WDFY2: variants seen among roughly 807,000 people sequenced by gnomAD.
WDFY2 encodes WD repeat and FYVE domain-containing protein 2.
A neutral mutation model predicts 56.4 loss-of-function variants in WDFY2; 36 were observed. The ratio of observed to expected loss-of-function variants is 0.64; its 90% CI spans 0.49 to 0.84. WDFY2 has a LOEUF of 0.84. WDFY2 is among the 40% of genes least tolerant of loss of function. The pLI is 0.00. For synonymous variants in WDFY2, 176 were observed against 183.7 expected (o/e 0.96, Z 0.34); for missense variants, 444 against 512.2 (o/e 0.87, Z 1.29).
Position 51,660,581 on chromosome 13 carries a change from T to G in WDFY2, c.138-15T>G, listed in dbSNP as rs772907915. On this transcript the variant is annotated splice_polypyrimidine_tract_variant and intron_variant, in intron 1 of 11. Transcript: ENST00000298125. ...GAATAATGTGATTTCATGTACATATTTTCTTCTGTTGTAGGACAGTTCGTG... is the reference window on the plus strand; with the variant it reads ...GAATAATGTGATTTCATGTACATATGTTCTTCTGTTGTAGGACAGTTCGTG... 5 of 1,611,286 alleles carry G rather than the reference T, an allele frequency of 3.1e-6. No homozygotes were observed. Among genetic ancestry groups the G allele is most frequent in the Non-Finnish European group, 4.2e-6 (5 of 1,177,684 alleles).
intron 1 of WDFY2, among the ~76,000 whole-genome samples, chr13:51,637,147 G>A (rs1955069966): frequency 6.6e-6 from 1 of 152,188 alleles, no homozygotes; most frequent in Non-Finnish European, 1.5e-5. Context: ...AGGAACAGTT[G>A]CCTAAGCAGG....
At chr13:51,614,631 C>T (rs904649226) in intron 1 of WDFY2, among the ~76,000 whole-genome samples, 7 of 152,174 alleles carry the variant, frequency 4.6e-5, no homozygotes, top group Non-Finnish European at 1.0e-4. Context: ...AAGGCACGTA[C>T]CAGCTGTGCC....
intron 4 of WDFY2, among the ~76,000 whole-genome samples, chr13:51,710,892 T>C (rs1005334929): frequency 1.4e-4 from 22 of 152,222 alleles, no homozygotes; most frequent in African/African-American, 4.1e-4. Context: ...CAATGCCATC[T>C]CCATCAAGCT....
At chr13:51,687,919 G>T (rs1956088552) in intron 3 of WDFY2, among the ~76,000 whole-genome samples, 1 of 152,122 alleles carries the variant, frequency 6.6e-6, no homozygotes, top group Admixed American at 6.6e-5. Flanking sequence ...GAAAAATGAT[G>T]ACGGCTGGGG....
intron 2 of WDFY2, among the ~76,000 whole-genome samples, chr13:51,660,927 C>G (rs534965392): frequency 1.3e-5 from 2 of 152,304 alleles, no homozygotes; most frequent in African/African-American, 4.8e-5. Context: ...ACAGCAGTCT[C>G]CCTCTCTTTT....
intron 3 of WDFY2, among the ~76,000 whole-genome samples, chr13:51,687,491 AG>A (rs1281852018): frequency 6.6e-6 from 1 of 152,012 alleles, no homozygotes; most frequent in African/African-American, 2.4e-5. Context: ...GAAGCCTTGA[AG>A]GTTGGAGGAG....
intron 1 of WDFY2, chr13:51,586,331 A>T: frequency 3.0e-6 from 1 of 338,856 alleles, no homozygotes. Flanking sequence ...ATCAATTTCT[A>T]ACTGCTGTGG....
At chr13:51,718,301 T>C (rs1952405417) in intron 4 of WDFY2, among the ~76,000 whole-genome samples, 1 of 152,084 alleles carries the variant, frequency 6.6e-6, no homozygotes, top group Admixed American at 6.6e-5. Flanking sequence ...GCAGATGCCC[T>C]CCACTTTACT....
At chr13:51,651,613 G>A (rs1445561317) in intron 1 of WDFY2, among the ~76,000 whole-genome samples, 1 of 152,154 alleles carries the variant, frequency 6.6e-6, no homozygotes, top group Non-Finnish European at 1.5e-5. Context: ...CTGGTATGTT[G>A]TGTCTTTGTT....
At chr13:51,649,643 C>T (rs1182397605) in intron 1 of WDFY2, among the ~76,000 whole-genome samples, 2 of 142,210 alleles carry the variant, frequency 1.4e-5, no homozygotes, top group Admixed American at 7.5e-5. Flanking sequence ...CAAGTGTTCT[C>T]GTTGTTCAAT....
intron 7 of WDFY2, among the ~76,000 whole-genome samples, chr13:51,749,301 A>G (rs1260306358): frequency 6.6e-6 from 1 of 152,182 alleles, no homozygotes; most frequent in Non-Finnish European, 1.5e-5. Flanking sequence ...ATAAGTTGTA[A>G]GAGTATAAAG....
intron 1 of WDFY2, among the ~76,000 whole-genome samples, chr13:51,647,250 GTCAT>G (rs964998186): frequency 6.6e-6 from 1 of 152,120 alleles, no homozygotes; most frequent in African/African-American, 2.4e-5. Context: ...AGGCAGTTTA[GTCAT>G]TGTGTGATTG....
At chr13:51,613,251 A>T (rs936447401) in intron 1 of WDFY2, among the ~76,000 whole-genome samples, 3 of 152,130 alleles carry the variant, frequency 2.0e-5, no homozygotes, top group African/African-American at 7.2e-5. Flanking sequence ...ACAAAGCTCC[A>T]GTCTCCTGGA....
intron 5 of WDFY2, among the ~76,000 whole-genome samples, chr13:51,719,964 A>G (rs1189670665): frequency 6.6e-6 from 1 of 152,166 alleles, no homozygotes; most frequent in African/African-American, 2.4e-5. Flanking sequence ...ATGCTGGGTA[A>G]TGCTCACAGC....
At chr13:51,636,435 G>C (rs180933490) in intron 1 of WDFY2, among the ~76,000 whole-genome samples, 4 of 152,286 alleles carry the variant, frequency 2.6e-5, no homozygotes, top group Admixed American at 6.5e-5. Context: ...AATTAACCTT[G>C]ACCCATTGAG....
rs908045093 is a variant in WDFY2 at position 51,764,590 on chromosome 13, G to A, written c.*4821G>A. On this transcript the variant is annotated 3_prime_UTR_variant, in exon 12 of 12. Transcript: ENST00000298125. The stretch of plus-strand genomic sequence containing the variant: ...TCACTATCAGATGCTGCTGCTCCCT[G>A]GCCTCAGAGGAAAGCAGCACACAGC... 1.3e-5 allele frequency: 2 copies of A among 152,310 alleles called. No homozygotes were observed. Among genetic ancestry groups the A allele is most frequent in the African/African-American group, 4.8e-5 (2 of 41,434 alleles). The allele number at this position is 152,310 out of a possible 1,614,324, so 9.4% of individuals were successfully genotyped here.
At chr13:51,759,292 C>T (rs993882354) in intron 11 of WDFY2, among the ~76,000 whole-genome samples, 12 of 152,042 alleles carry the variant, frequency 7.9e-5, no homozygotes, top group Non-Finnish European at 8.8e-5. Context: ...AAGGACACAG[C>T]ACGTGCTTGG....
chr13:51,751,542 A>T (rs1566231679), intron 8 of WDFY2, 127 bp downstream of exon 8: 2 of 936,810 alleles, frequency 2.1e-6, no homozygotes, highest in Non-Finnish European at 3.3e-6. Flanking sequence ...TTGTAGCATA[A>T]AAGGAGTTGT....
intron 1 of WDFY2, among the ~76,000 whole-genome samples, chr13:51,611,337 T>TAG (rs1478895987): frequency 6.6e-6 from 1 of 152,212 alleles, no homozygotes; most frequent in African/African-American, 2.4e-5. Flanking sequence ...AACCTCACAT[T>TAG]TTACTGTGTT....
Sources: allele counts gnomAD v4.1 joint callset (sites outside exome capture counted in the v4.1 genomes callset), GRCh38; gene constraint gnomAD v4.1.1; transcripts MANE v1.5; gene names NCBI Gene and HGNC (gene_info 2026-07-23, HGNC 2026-07-21).